PCDH15: variants seen among roughly 807,000 people sequenced by gnomAD.
PCDH15 encodes the protein protocadherin-15.
Under a neutral mutation model 178.5 loss-of-function variants are expected in PCDH15, and 129 were observed. That is an observed-to-expected ratio of 0.72 (90% confidence interval 0.63 to 0.84). The LOEUF (loss-of-function observed/expected upper bound fraction) is 0.84. Among genes scored for constraint, PCDH15 ranks in the 40% least tolerant of loss-of-function variants. PCDH15 has a pLI of 0.00. For missense variants in PCDH15, 2,230 were observed against 2,099.9 expected (o/e 1.06, Z -1.21); for synonymous variants, 800 against 732.0 (o/e 1.09, Z -1.50).
chr10:54,156,403 A>T (rs961241802), intron 13 of PCDH15, among the ~76,000 whole-genome samples: 1 of 152,178 alleles, frequency 6.6e-6, no homozygotes, highest in Non-Finnish European at 1.5e-5. Context: ...TAATCATGGC[A>T]GAAGGTGAAA....
At chr10:53,864,124 T>C (rs758497578) in intron 27 of PCDH15, among the ~76,000 whole-genome samples, 10 of 152,096 alleles carry the variant, frequency 6.6e-5, no homozygotes, top group Non-Finnish European at 1.3e-4. Context: ...TTTAAATTGA[T>C]ACTGATGCAG....
intron 2 of PCDH15, among the ~76,000 whole-genome samples, chr10:54,580,976 C>T (rs1360730876): frequency 6.6e-6 from 1 of 152,058 alleles, no homozygotes; most frequent in Non-Finnish European, 1.5e-5. Flanking sequence ...TCATCTATGA[C>T]AAACCTATAG....
intron 26 of PCDH15, among the ~76,000 whole-genome samples, chr10:53,897,499 C>G (rs10825156): frequency 6.6e-6 from 1 of 152,030 alleles, no homozygotes; most frequent in Middle Eastern, 3.4e-3. Context: ...AAGTGATGCC[C>G]TCTCTCCTCT....
At chr10:54,557,832 A>C (rs903906041) in intron 2 of PCDH15, among the ~76,000 whole-genome samples, 12 of 152,164 alleles carry the variant, frequency 7.9e-5, no homozygotes, top group African/African-American at 2.9e-4. Flanking sequence ...ACATCTGACC[A>C]TTAAAACTTT....
In PCDH15 at chr10:55,350,288, T is replaced by C. The variant is rs928378388; in HGVS notation, c.-155-183637A>G. Among the ~76,000 whole-genome samples the C allele has an allele frequency of 2.2e-4, 27 of 121,888 alleles. 1 individual carries two copies. In the South Asian group the frequency reaches 2.4e-3, roughly 11 times the overall value. The allele number at this position is 121,888 out of a possible 152,430, so 80.0% of individuals were successfully genotyped here. A position where few individuals can be genotyped will look rare whatever the true frequency, so the allele number is the denominator to read the frequency against. ...ATATATACACACACACACACACACA[T>C]ACATACACACACAAACATACATACA... On this transcript the variant is annotated intron_variant, in intron 2 of 5. Coordinates refer to the PCDH15 transcript ENST00000613346.
chr10:54,865,653 G>A (rs1159573111), intron 3 of PCDH15, among the ~76,000 whole-genome samples: 3 of 152,130 alleles, frequency 2.0e-5, no homozygotes, highest in African/African-American at 7.2e-5. Context: ...TTTGGATGCG[G>A]TGCAGAGCCA....
intron 2 of PCDH15, among the ~76,000 whole-genome samples, chr10:55,468,827 A>G (rs1839895855): frequency 6.6e-6 from 1 of 152,172 alleles, no homozygotes; most frequent in Admixed American, 6.5e-5. Flanking sequence ...CCTGAACTAT[A>G]TCTCCAGCTT....
intron 2 of PCDH15, among the ~76,000 whole-genome samples, chr10:55,395,437 T>C (rs573426118): frequency 6.6e-5 from 10 of 152,244 alleles, no homozygotes; most frequent in African/African-American, 2.2e-4. Flanking sequence ...AGACCATTGC[T>C]TCCTAGTTTA....
chr10:54,946,865 A>G (rs1838211606), intron 2 of PCDH15, among the ~76,000 whole-genome samples: 1 of 151,900 alleles, frequency 6.6e-6, no homozygotes, highest in South Asian at 2.1e-4. Context: ...AGAGGTAAAT[A>G]GATAATTCAA....
At chr10:55,464,136 C>A (rs1052173580) in intron 2 of PCDH15, among the ~76,000 whole-genome samples, 2 of 152,010 alleles carry the variant, frequency 1.3e-5, no homozygotes, top group African/African-American at 4.8e-5. Flanking sequence ...TACCGGGAGT[C>A]GGATCAACCA....
chr10:54,643,958 A>G (rs1431566169), intron 2 of PCDH15, among the ~76,000 whole-genome samples: 1 of 63,120 alleles, frequency 1.6e-5, no homozygotes, highest in African/African-American at 6.3e-5. Flanking sequence ...CCTAATGCTA[A>G]CCCTCCCCCC....
intron 2 of PCDH15, among the ~76,000 whole-genome samples, chr10:55,515,623 A>T (rs1224963150): frequency 2.3e-4 from 35 of 152,108 alleles, no homozygotes; most frequent in Non-Finnish European, 5.9e-5. Flanking sequence ...GTTAATATTG[A>T]TATGTATAGC....
chr10:55,256,145 T>A (rs936033658), intron 1 of PCDH15, among the ~76,000 whole-genome samples: 2 of 152,076 alleles, frequency 1.3e-5, no homozygotes, highest in African/African-American at 4.8e-5. Flanking sequence ...AAGGAAGAGA[T>A]CCAGTTTCAG....
At chr10:55,225,843 A>AT (rs1462374096) in intron 1 of PCDH15, among the ~76,000 whole-genome samples, 1 of 152,056 alleles carries the variant, frequency 6.6e-6, no homozygotes, top group Non-Finnish European at 1.5e-5. Context: ...GTAAAGAGAG[A>AT]AAATTTACTC....
chr10:54,076,661 C>A (rs1243173168), intron 17 of PCDH15, among the ~76,000 whole-genome samples: 1 of 151,918 alleles, frequency 6.6e-6, no homozygotes, highest in Non-Finnish European at 1.5e-5. Context: ...GCAACTTATA[C>A]AGATTTTTCA....
In PCDH15 at chr10:54,307,104, GTATATATATATATATATATATATA is replaced by G. The variant is rs1170885233; in HGVS notation, c.876+10143_876+10166del. The stretch of plus-strand genomic sequence containing the variant: ...TACATATATATATATGTGTGTGTGT[GTATATATATATATATATATATATA>G]TATATATATATATATATATATAAAA... On this transcript the variant is annotated intron_variant, in intron 8 of 37. Transcript: ENST00000644397. Among the ~76,000 whole-genome samples, 24 of 26,558 alleles carry G rather than the reference GTATATATATATATATATATATATA, an allele frequency of 9.0e-4. 2 individuals carry two copies. The highest frequency in any genetic ancestry group is 1.2e-3 in the Non-Finnish European group (18 of 15,142). 17.4% of individuals were successfully genotyped at this position (26,558 alleles called of 152,430 possible). A position where few individuals can be genotyped will look rare whatever the true frequency, so the allele number is the denominator to read the frequency against.
chr10:55,385,722 T>TATATGC (rs1837640977), intron 2 of PCDH15, among the ~76,000 whole-genome samples: 3 of 143,328 alleles, frequency 2.1e-5, no homozygotes, highest in African/African-American at 5.3e-5. Context: ...TATATATGCA[T>TATATGC]ATATATATAC....
chr10:55,536,915 C>T (rs1180917545), intron 2 of PCDH15, among the ~76,000 whole-genome samples: 1 of 152,120 alleles, frequency 6.6e-6, no homozygotes, highest in Non-Finnish European at 1.5e-5. Flanking sequence ...TTGTTGACAA[C>T]ATCCTCCCTC....
intron 2 of PCDH15, among the ~76,000 whole-genome samples, chr10:54,545,658 C>T (rs1044821269): frequency 1.3e-5 from 2 of 152,020 alleles, no homozygotes; most frequent in Non-Finnish European, 2.9e-5. Context: ...AAAAATTTTA[C>T]TTTGGGATCT....
Sources: allele counts gnomAD v4.1 joint callset (sites outside exome capture counted in the v4.1 genomes callset), GRCh38; gene constraint gnomAD v4.1.1; transcripts MANE v1.5; gene names NCBI Gene and HGNC (gene_info 2026-07-23, HGNC 2026-07-21).